Variants in CRTC3 observed in about 807,000 individuals in gnomAD.
CRTC3 encodes the protein CREB-regulated transcription coactivator 3.
In CRTC3, 26 loss-of-function variants were observed where a neutral mutation model predicts 74.5. The observed-to-expected ratio is 0.35, with a 90% confidence interval of 0.26 to 0.48. The LOEUF (loss-of-function observed/expected upper bound fraction) is 0.48. Among genes scored for constraint, CRTC3 ranks in the 20% least tolerant of loss-of-function variants. The pLI, the probability that CRTC3 is intolerant of heterozygous loss-of-function variation, is 0.99. For synonymous variants in CRTC3, 377 were observed against 325.8 expected, an observed-to-expected ratio of 1.16 and a Z score of -1.69; for missense variants, 760 against 787.3, an observed-to-expected ratio of 0.97 and a Z score of 0.41.
Position 90,614,501 on chromosome 15 carries a change from T to C in CRTC3, c.613+13T>C. 1 of 1,570,080 alleles carries C rather than the reference T, an allele frequency of 6.4e-7. No individual in the cohort carries two copies. Among genetic ancestry groups the C allele is most frequent in the Non-Finnish European group, 8.8e-7 (1 of 1,140,320 alleles). ...GGACATGGGGAAGGTATGAACTGAT[T>C]TTACCTACCTATATTGGAGTGGGAT... On this transcript the variant is annotated intron_variant, in intron 7 of 14. Transcript: ENST00000268184.
intron 2 of CRTC3, among the ~76,000 whole-genome samples, chr15:90,570,496 C>A (rs1967238186): frequency 1.3e-5 from 2 of 152,128 alleles, no homozygotes; most frequent in African/African-American, 4.8e-5. Context: ...TCAGTGAAAT[C>A]CCTGACAATT....
intron 2 of CRTC3, among the ~76,000 whole-genome samples, chr15:90,542,502 G>T (rs1567159566): frequency 6.6e-5 from 10 of 151,900 alleles, no homozygotes; most frequent in Admixed American, 6.6e-4. Flanking sequence ...TTTCACTTGG[G>T]AATAAGTTCC....
chr15:90,539,447 G>A (rs569065756), intron 1 of CRTC3, among the ~76,000 whole-genome samples: 17 of 152,080 alleles, frequency 1.1e-4, no homozygotes, highest in Middle Eastern at 3.4e-3. Flanking sequence ...AAAGCATTTC[G>A]GCAGTATACG....
chr15:90,642,142 C>T lies in CRTC3; in HGVS notation c.*2C>T, dbSNP rs1275696480. ...ACGTTTCGAGCTGACAGACTGTGAA[C>T]AGAAGGCAGTGGAACAGAAGAATGT... On this transcript the variant is annotated 3_prime_UTR_variant, in exon 15 of 15. Transcript: ENST00000268184. 1.9e-6 allele frequency: 3 copies of T among 1,613,074 alleles called. No homozygotes were observed. The highest frequency in any genetic ancestry group is 1.7e-5 in the Admixed American group (1 of 60,000).
At position 90,625,946 on chromosome 15, in the gene CRTC3, A is replaced by G; in HGVS notation, c.920A>G (p.Asn307Ser). The G allele has an allele frequency of 1.2e-6, 2 of 1,614,206 alleles. No individual in the cohort carries two copies. The highest frequency in any genetic ancestry group is 1.7e-6 in the Non-Finnish European group (2 of 1,180,032). ...FGSMSVGNSV[N>S]NIPAAMTHLG... is the part of the protein sequence containing the mutation. ...AGTATGAGTGTGGGGAATAGTGTGAACAACATCCCAGCTGCTATGACCCAC... is the reference window on the plus strand; with the variant it reads ...AGTATGAGTGTGGGGAATAGTGTGAGCAACATCCCAGCTGCTATGACCCAC... Residue 307 changes from asparagine to serine, a missense_variant, in exon 10 of 15, where the codon AAC (asparagine) becomes AGC (serine). By Grantham distance (46) the Asn-to-Ser change is conservative (BLOSUM62 1). Around this residue, in one of 2 missense-constraint regions of CRTC3, gnomAD observed 652 missense variants for 635.2 expected, o/e 1.03. Coordinates refer to ENST00000268184, the MANE Select transcript of CRTC3 (RefSeq NM_022769.5).
chr15:90,541,482 TATA>T (rs1966800932), intron 2 of CRTC3, among the ~76,000 whole-genome samples: 1 of 152,326 alleles, frequency 6.6e-6, no homozygotes, highest in South Asian at 2.1e-4. Flanking sequence ...TTGTCTTCAA[TATA>T]ATGACAATGG....
At chr15:90,573,447 C>G (rs1022734640) in intron 2 of CRTC3, among the ~76,000 whole-genome samples, 2 of 152,166 alleles carry the variant, frequency 1.3e-5, no homozygotes, top group East Asian at 1.9e-4. Context: ...TGGCCTTAAT[C>G]ATGCCAAGAT....
intron 8 of CRTC3, among the ~76,000 whole-genome samples, chr15:90,619,200 T>G (rs1456200138): frequency 1.3e-5 from 2 of 152,252 alleles, no homozygotes; most frequent in East Asian, 3.8e-4. Context: ...CTCATGCCTG[T>G]AATCCCAGCA....
At chr15:90,640,463 C>T (rs1296450787) in intron 13 of CRTC3, among the ~76,000 whole-genome samples, 2 of 152,038 alleles carry the variant, frequency 1.3e-5, no homozygotes, top group African/African-American at 4.8e-5. Flanking sequence ...AGGCCAGTGG[C>T]TTACTTGAAC....
intron 8 of CRTC3, among the ~76,000 whole-genome samples, chr15:90,618,527 G>T (rs1214371337): frequency 1.3e-5 from 2 of 152,250 alleles, no homozygotes; most frequent in Non-Finnish European, 2.9e-5. Context: ...GTGGAAGAAA[G>T]GGGAGGTCCC....
At chr15:90,608,073 T>C (rs1330803916) in intron 6 of CRTC3, among the ~76,000 whole-genome samples, 1 of 152,084 alleles carries the variant, frequency 6.6e-6, no homozygotes, top group Admixed American at 6.5e-5. Context: ...AGAGGCCTGC[T>C]GCCTTGAGAT....
At position 90,644,491 on chromosome 15, in the gene CRTC3, ACCTACACAGTGAAC is replaced by A. The variant is rs1969559053; in HGVS notation, c.*2357_*2370del. The A allele has an allele frequency of 4.3e-6, 1 of 232,428 alleles. No individual in the cohort carries two copies. Among genetic ancestry groups the A allele is most frequent in the African/African-American group, 2.2e-5 (1 of 45,304 alleles). 14.4% of individuals were successfully genotyped at this position (232,428 alleles called of 1,614,324 possible). A position where few individuals can be genotyped will look rare whatever the true frequency, so the allele number is the denominator to read the frequency against. On this transcript the variant is annotated 3_prime_UTR_variant, in exon 15 of 15. Transcript: ENST00000268184. ...CCTGCCTGGCAACAGAGACCCCAAGACCTACACAGTGAACCCTACTGCCCCAAAGGCGTTCTCCA... is the reference window on the plus strand; with the variant it reads ...CCTGCCTGGCAACAGAGACCCCAAGACCTACTGCCCCAAAGGCGTTCTCCA...
At chr15:90,574,371 A>G (rs1275908618) in intron 2 of CRTC3, among the ~76,000 whole-genome samples, 1 of 152,022 alleles carries the variant, frequency 6.6e-6, no homozygotes, top group African/African-American at 2.4e-5. Context: ...CCAGCTACTC[A>G]GGAGGCTGAG....
chr15:90,621,953 CAAAT>C (rs1403687492), intron 9 of CRTC3, among the ~76,000 whole-genome samples: 1 of 152,116 alleles, frequency 6.6e-6, no homozygotes, highest in Non-Finnish European at 1.5e-5. Context: ...TGGGCAGAAA[CAAAT>C]AAGCAAAGCA....
At chr15:90,588,290 T>C (rs1041010628) in intron 2 of CRTC3, among the ~76,000 whole-genome samples, 1 of 150,252 alleles carries the variant, frequency 6.7e-6, no homozygotes, top group African/African-American at 2.4e-5. Flanking sequence ...AAAATGGGAC[T>C]CTCTATTTCA....
chr15:90,534,722 C>CA (rs1284159227), intron 1 of CRTC3, among the ~76,000 whole-genome samples: 1 of 152,192 alleles, frequency 6.6e-6, no homozygotes, highest in Non-Finnish European at 1.5e-5. Context: ...GTGGCTGCCC[C>CA]ATTAGAAAGG....
At chr15:90,586,921 C>T (rs926879898) in intron 2 of CRTC3, among the ~76,000 whole-genome samples, 1 of 152,226 alleles carries the variant, frequency 6.6e-6, no homozygotes, top group Non-Finnish European at 1.5e-5. Flanking sequence ...AACAACAACT[C>T]TCCAATTCTT....
chr15:90,624,266 A>C (rs1596135563), intron 9 of CRTC3, among the ~76,000 whole-genome samples: 1 of 150,664 alleles, frequency 6.6e-6, no homozygotes, highest in African/African-American at 2.4e-5. Context: ...TTCCTATATC[A>C]CCCCTGGACC....
chr15:90,545,400 A>AT (rs35381855), intron 2 of CRTC3, among the ~76,000 whole-genome samples: 75,153 of 137,896 alleles, frequency 0.54, 21,327 homozygotes, highest in Non-Finnish European at 0.62. Flanking sequence ...TGTGGTTTTA[A>AT]TTTTTTTTTT....
Sources: gnomAD v4.1 joint callset for allele counts (sites outside exome capture counted in the v4.1 genomes callset) on GRCh38, gnomAD v4.1.1 for gene constraint, gnomAD v4.1.1 regional missense constraint, MANE v1.5 for transcripts, NCBI Gene and HGNC (gene_info 2026-07-23, HGNC 2026-07-21) for gene names.